The following CSMD1 variants were observed in gnomAD, a reference collection of about 807,000 sequenced individuals.
CSMD1 encodes the protein CUB and Sushi multiple domains 1.
CSMD1 carries 213 observed loss-of-function variants against 417.5 expected under a neutral mutation model. The observed-to-expected ratio is 0.51, with a 90% CI of 0.46 to 0.57. CSMD1 has a LOEUF of 0.57. Among genes scored for constraint, CSMD1 ranks in the 20% least tolerant of loss-of-function variants. The pLI is 0.00. For synonymous variants in CSMD1, 2,862 were observed against 1,736.8 expected (o/e 1.65, Z -16.11); for missense variants, 6,923 against 4,529.7 (o/e 1.53, Z -15.17).
intron 3 of CSMD1, among the ~76,000 whole-genome samples, chr8:4,058,552 C>A (rs1261174048): frequency 6.6e-6 from 1 of 151,788 alleles, no homozygotes; most frequent in Admixed American, 6.6e-5. Flanking sequence ...ATTGCCCTGG[C>A]CAGAACTTCC....
chr8:4,990,069 G>T (rs1811380966), intron 1 of CSMD1, among the ~76,000 whole-genome samples: 1 of 152,182 alleles, frequency 6.6e-6, no homozygotes, highest in South Asian at 2.1e-4. Flanking sequence ...CTCTGCCAGT[G>T]AGATGCTTGA....
At chr8:3,495,578 T>C (rs2117313852) in intron 10 of CSMD1, among the ~76,000 whole-genome samples, 1 of 152,362 alleles carries the variant, frequency 6.6e-6, no homozygotes, top group East Asian at 1.9e-4. Flanking sequence ...ACGCTGCTGA[T>C]GCTCAGTAAA....
intron 49 of CSMD1, among the ~76,000 whole-genome samples, chr8:3,059,874 C>G (rs908613088): frequency 1.3e-5 from 2 of 152,002 alleles, no homozygotes; most frequent in Non-Finnish European, 2.9e-5. Context: ...GCTAATTTCT[C>G]AAACGGGATT....
intron 5 of CSMD1, among the ~76,000 whole-genome samples, chr8:3,767,308 T>A (rs1316648941): frequency 6.6e-6 from 1 of 152,226 alleles, no homozygotes; most frequent in Admixed American, 6.5e-5. Flanking sequence ...GTGTGGTCAT[T>A]ACGAACACGG....
At chr8:2,993,450 G>C (rs944382728) in intron 54 of CSMD1, among the ~76,000 whole-genome samples, 2 of 152,204 alleles carry the variant, frequency 1.3e-5, no homozygotes, top group African/African-American at 4.8e-5. Flanking sequence ...CAAAAGAGGA[G>C]TGTCAGGGCA....
intron 5 of CSMD1, among the ~76,000 whole-genome samples, chr8:3,798,760 A>T (rs978028226): frequency 3.3e-5 from 5 of 152,002 alleles, no homozygotes; most frequent in Admixed American, 6.6e-5. Flanking sequence ...GTATTTAGAA[A>T]TTTTTTTTAC....
chr8:4,063,595 G>A (rs1281673649), intron 3 of CSMD1, among the ~76,000 whole-genome samples: 1 of 152,122 alleles, frequency 6.6e-6, no homozygotes, highest in Non-Finnish European at 1.5e-5. Context: ...CACTGACAAG[G>A]TGCCACGTAC....
At chr8:3,991,232 A>G (rs1814723395) in intron 5 of CSMD1, among the ~76,000 whole-genome samples, 1 of 152,244 alleles carries the variant, frequency 6.6e-6, no homozygotes, top group African/African-American at 2.4e-5. Context: ...CCACCAATCA[A>G]GTTAGAAATT....
chr8:3,813,805 G>A (rs1801219905), intron 5 of CSMD1, among the ~76,000 whole-genome samples: 1 of 151,820 alleles, frequency 6.6e-6, no homozygotes, highest in South Asian at 2.1e-4. Flanking sequence ...TTCTGTTACT[G>A]AAAAACTTAA....
chr8:3,364,317 A>G (rs1380100095), intron 20 of CSMD1, among the ~76,000 whole-genome samples: 1 of 152,208 alleles, frequency 6.6e-6, no homozygotes, highest in Non-Finnish European at 1.5e-5. Context: ...TTTGTTTTTA[A>G]AAAGACTTTC....
At chr8:4,470,905 T>A (rs1469482726) in intron 2 of CSMD1, among the ~76,000 whole-genome samples, 3 of 152,228 alleles carry the variant, frequency 2.0e-5, no homozygotes, top group Admixed American at 6.5e-5. Context: ...TGTAAATGAT[T>A]GTTTAGTATG....
chr8:3,392,991 T>G (rs1332271373), intron 17 of CSMD1, among the ~76,000 whole-genome samples: 1 of 152,172 alleles, frequency 6.6e-6, no homozygotes, highest in Admixed American at 6.5e-5. Context: ...ACTCATTTTC[T>G]TACAACAAGC....
chr8:4,791,222 G>A (rs954638664), intron 1 of CSMD1, among the ~76,000 whole-genome samples: 3 of 150,952 alleles, frequency 2.0e-5, no homozygotes. Context: ...AAGAAGCAGA[G>A]GCAGAAGGAA....
intron 5 of CSMD1, among the ~76,000 whole-genome samples, chr8:3,808,593 C>CTG (rs1284606909): frequency 1.7e-4 from 26 of 152,280 alleles, no homozygotes; most frequent in South Asian, 4.1e-4. Flanking sequence ...AAAATAATTG[C>CTG]ACACTGCTGT....
At chr8:4,289,940 T>C (rs780262587) in intron 3 of CSMD1, among the ~76,000 whole-genome samples, 10 of 152,228 alleles carry the variant, frequency 6.6e-5, no homozygotes, top group Non-Finnish European at 1.0e-4. Context: ...GAATCATTAT[T>C]GACCTCTTCT....
At chr8:4,077,072 T>G (rs1177462508) in intron 3 of CSMD1, among the ~76,000 whole-genome samples, 3 of 151,980 alleles carry the variant, frequency 2.0e-5, no homozygotes, top group South Asian at 4.1e-4. Flanking sequence ...TCAATATAAT[T>G]GGTCATAAAT....
intron 23 of CSMD1, among the ~76,000 whole-genome samples, chr8:3,332,554 C>A (rs561645454): frequency 2.0e-5 from 3 of 152,204 alleles, no homozygotes; most frequent in Admixed American, 6.5e-5. Context: ...TTGCAGACAA[C>A]AGATTAACTA....
chr8:4,441,925 C>T (rs186311461), intron 2 of CSMD1, among the ~76,000 whole-genome samples: 151 of 152,302 alleles, frequency 9.9e-4, no homozygotes, highest in Non-Finnish European at 1.6e-3. Context: ...ATCTTATCAG[C>T]TTCTTACATA....
intron 3 of CSMD1, among the ~76,000 whole-genome samples, chr8:4,050,448 G>A (rs538567132): frequency 6.6e-6 from 1 of 151,464 alleles, no homozygotes; most frequent in Non-Finnish European, 1.5e-5. Flanking sequence ...ATACTTATGG[G>A]GTACATATTT....
Sources: allele counts gnomAD v4.1 joint callset (sites outside exome capture counted in the v4.1 genomes callset), GRCh38; gene constraint gnomAD v4.1.1; transcripts MANE v1.5; gene names NCBI Gene and HGNC (gene_info 2026-07-23, HGNC 2026-07-21).